Variants in SHOC2 observed in about 807,000 individuals in gnomAD.
The protein encoded by SHOC2 is leucine-rich repeat protein SHOC-2.
Under a neutral mutation model 50.2 loss-of-function variants are expected in SHOC2, and 4 were observed. The ratio of observed to expected loss-of-function variants is 0.08; its 90% CI spans 0.04 to 0.18. SHOC2 has a LOEUF of 0.18. SHOC2 is among the 10% of genes least tolerant of loss of function. The pLI, the probability that SHOC2 is intolerant of heterozygous loss-of-function variation, is 1.00. For synonymous variants in SHOC2, 218 were observed against 244.5 expected (o/e 0.89, Z 1.01); for missense variants, 388 against 669.6 (o/e 0.58, Z 4.64).
At chr10:110,984,097 C>T (rs1453598438) in intron 2 of SHOC2, among the ~76,000 whole-genome samples, 2 of 152,282 alleles carry the variant, frequency 1.3e-5, no homozygotes, top group African/African-American at 4.8e-5. Context: ...CAGTTTTTCA[C>T]AGCAACTGTA....
chr10:110,919,371 A>G (rs1258472441), upstream of SHOC2: 1 of 385,214 alleles, frequency 2.6e-6, no homozygotes. Context: ...GGAACTGAGG[A>G]AAGGACAAGG....
At chr10:110,923,061 C>T (rs949189980) in intron 1 of SHOC2, among the ~76,000 whole-genome samples, 1 of 152,074 alleles carries the variant, frequency 6.6e-6, no homozygotes, top group Non-Finnish European at 1.5e-5. Flanking sequence ...CATATATCAT[C>T]TGCTATCCTT....
At chr10:110,930,103 A>G (rs1158895244) in intron 1 of SHOC2, among the ~76,000 whole-genome samples, 1 of 152,196 alleles carries the variant, frequency 6.6e-6, no homozygotes, top group African/African-American at 2.4e-5. Flanking sequence ...TAATACAGAG[A>G]TAATGAGATT....
chr10:110,952,810 A>G (rs971027335), intron 1 of SHOC2, among the ~76,000 whole-genome samples: 3 of 151,948 alleles, frequency 2.0e-5, no homozygotes, highest in African/African-American at 4.8e-5. Flanking sequence ...AGAACATGCA[A>G]TGTTTGGTTT....
chr10:110,938,021 C>T (rs1847063463), intron 1 of SHOC2, among the ~76,000 whole-genome samples: 1 of 152,126 alleles, frequency 6.6e-6, no homozygotes, highest in African/African-American at 2.4e-5. Flanking sequence ...AGTTCTGCTA[C>T]TAGAATATTT....
chr10:111,003,895 A>G (rs1189017679), intron 4 of SHOC2, among the ~76,000 whole-genome samples: 1 of 152,196 alleles, frequency 6.6e-6, no homozygotes, highest in Non-Finnish European at 1.5e-5. Flanking sequence ...ACTTCTATAA[A>G]TAGAGCTTAA....
upstream of SHOC2, chr10:110,919,579 C>T (rs1489158045): frequency 7.2e-5 from 28 of 390,234 alleles, no homozygotes; most frequent in Admixed American, 1.1e-3. Flanking sequence ...GGCGGTTGGG[C>T]AGCGTCGCTT....
chr10:110,967,764 T>C (rs1186939020), intron 2 of SHOC2, among the ~76,000 whole-genome samples: 1 of 152,206 alleles, frequency 6.6e-6, no homozygotes, highest in African/African-American at 2.4e-5. Context: ...TTGCATAATA[T>C]TTTCAAGTCT....
intron 1 of SHOC2, among the ~76,000 whole-genome samples, chr10:110,957,770 A>G (rs1046174014): frequency 6.6e-6 from 1 of 152,206 alleles, no homozygotes; most frequent in African/African-American, 2.4e-5. Flanking sequence ...GATTGATGCC[A>G]CGACAAATTA....
chr10:111,009,472 C>G, intron 7 of SHOC2, 87 bp downstream of exon 7: 1 of 1,222,686 alleles, frequency 8.2e-7, no homozygotes, highest in Non-Finnish European at 1.2e-6. Flanking sequence ...TGATGTAATT[C>G]TTGGATCAGA....
intron 1 of SHOC2, among the ~76,000 whole-genome samples, chr10:110,924,140 A>G (rs1846709301): frequency 6.6e-6 from 1 of 152,194 alleles, no homozygotes; most frequent in Non-Finnish European, 1.5e-5. Flanking sequence ...CTTAGTAACT[A>G]CAGTTTCACA....
At chr10:110,932,886 T>C (rs1394470626) in intron 1 of SHOC2, among the ~76,000 whole-genome samples, 5 of 152,212 alleles carry the variant, frequency 3.3e-5, no homozygotes, top group Non-Finnish European at 7.3e-5. Flanking sequence ...ATATACTTTT[T>C]ATATTTATAA....
intron 1 of SHOC2, among the ~76,000 whole-genome samples, chr10:110,949,842 C>T (rs1350641589): frequency 6.6e-6 from 1 of 152,094 alleles, no homozygotes; most frequent in African/African-American, 2.4e-5. Flanking sequence ...TGTGTGATCT[C>T]TCAATAGATA....
chr10:110,968,945 A>G (rs1300403672), intron 2 of SHOC2, among the ~76,000 whole-genome samples: 1 of 152,208 alleles, frequency 6.6e-6, no homozygotes, highest in East Asian at 1.9e-4. Flanking sequence ...TAGAACATTT[A>G]TCCTTTTAAG....
intron 3 of SHOC2, among the ~76,000 whole-genome samples, chr10:110,986,160 T>TGGCC (rs1848072428): frequency 6.6e-6 from 1 of 152,206 alleles, no homozygotes; most frequent in African/African-American, 2.4e-5. Context: ...TTTTTAAACA[T>TGGCC]GGCCAATATA....
chr10:110,964,259 T>C lies in SHOC2; in HGVS notation c.-100T>C. 1 of 1,527,734 alleles carries C rather than the reference T, an allele frequency of 6.5e-7. No individual in the cohort carries two copies. The highest frequency in any genetic ancestry group is 8.8e-7 in the Non-Finnish European group (1 of 1,140,530). 94.6% of individuals were successfully genotyped at this position (1,527,734 alleles called of 1,614,324 possible). On this transcript the variant is annotated 5_prime_UTR_variant, in exon 2 of 9. Transcript: ENST00000369452. The surrounding 1 kb of genome is among the most constrained non-coding windows in gnomAD (Gnocchi z 4.9). ...CATGCTGATTACTTCTTCAAGCCAG[T>C]ACTTTTTTGATTGTGTAGGATCTTT...
At chr10:110,992,620 G>C (rs1789394980) in intron 3 of SHOC2, among the ~76,000 whole-genome samples, 1 of 152,138 alleles carries the variant, frequency 6.6e-6, no homozygotes, top group Non-Finnish European at 1.5e-5. Context: ...ATTCACAGAA[G>C]CCTTTTTGTT....
At position 111,009,367 on chromosome 10, in the gene SHOC2, A is replaced by G. The variant is rs764705344; in HGVS notation, c.1404A>G (p.Ala468=). 6.2e-6 allele frequency: 10 copies of G among 1,610,650 alleles called. No homozygotes were observed. Among genetic ancestry groups the G allele is most frequent in the Middle Eastern group, 1.6e-4 (1 of 6,072 alleles). Residue 468 remains alanine, a synonymous_variant, in exon 7 of 9, where the codon GCA becomes GCG. Transcript: ENST00000369452. ...NKLESLPNEI[A]YLKDLQKLVL... is the part of the protein sequence containing the mutation. ...TGGAATCCTTGCCAAATGAAATTGC[A>G]TATCTTAAGGATTTACAGGTAAACA... is the stretch of plus-strand genomic sequence containing the variant.
rs143180451 is a variant in SHOC2, at chr10:110,964,180, T to A, written c.-179T>A. ...CTATTTTACCAGTTGGAATGAATGA[T>A]CAGAAATGGGCATAGTGCTTTTAGA... On this transcript the variant is annotated 5_prime_UTR_variant, in exon 2 of 9. Transcript: ENST00000369452. The surrounding 1 kb of genome is among the most constrained non-coding windows in gnomAD (Gnocchi z 4.9). 1.2e-3 allele frequency: 970 copies of A among 833,910 alleles called. 2 individuals are homozygous for A. Among genetic ancestry groups the A allele is most frequent in the Non-Finnish European group, 1.6e-3 (874 of 550,772 alleles). The allele number at this position is 833,910 out of a possible 1,614,324, so 51.7% of individuals were successfully genotyped here. A position where few individuals can be genotyped will look rare whatever the true frequency, so the allele number is the denominator to read the frequency against.
Sources: gnomAD v4.1 joint callset for allele counts (sites outside exome capture counted in the v4.1 genomes callset) on GRCh38, gnomAD v4.1.1 for gene constraint, Gnocchi (gnomAD v3.1) non-coding constraint, MANE v1.5 for transcripts, NCBI Gene and HGNC (gene_info 2026-07-23, HGNC 2026-07-21) for gene names.